Variants in SYNPO observed in about 807,000 individuals in gnomAD.
SYNPO encodes synaptopodin.
SYNPO carries 19 observed loss-of-function variants against 49.5 expected under a neutral mutation model. The observed-to-expected ratio is 0.38, with a 90% confidence interval of 0.27 to 0.56. The LOEUF (loss-of-function observed/expected upper bound fraction) is 0.56. Ranked by LOEUF, SYNPO falls within the 20% of genes least tolerant of loss-of-function variation. The probability of loss-of-function intolerance (pLI) is 0.68; values close to 1 mark genes in which losing one functional copy is unlikely to be tolerated. For missense variants in SYNPO, 1,131 were observed against 1,248.3 expected (o/e 0.91, Z 1.42); for synonymous variants, 536 against 548.0 (o/e 0.98, Z 0.31).
chr5:150,639,486 G>A (rs949161356), upstream of SYNPO, among the ~76,000 whole-genome samples: 2 of 152,194 alleles, frequency 1.3e-5, no homozygotes, highest in Admixed American at 1.3e-4. Flanking sequence ...GCCTGGATGG[G>A]TGAGTAAGGA....
At chr5:150,622,983 CAT>C (rs1439023426) in intron 2 of SYNPO, among the ~76,000 whole-genome samples, 1 of 152,236 alleles carries the variant, frequency 6.6e-6, no homozygotes, top group Admixed American at 6.5e-5. Flanking sequence ...ACTGCACACA[CAT>C]GGAGGCCCTC....
At chr5:150,624,951 G>C in intron 2 of SYNPO, 1 of 985,514 alleles carries the variant, frequency 1.0e-6, no homozygotes, top group Non-Finnish European at 1.2e-6. Context: ...GGCACCGCGC[G>C]AGCCTCGCCC....
chr5:150,593,892 G>A, the SYNPO span, among the ~76,000 whole-genome samples: 33 of 152,340 alleles, frequency 2.2e-4, 1 homozygote, highest in African/African-American at 7.7e-4. Flanking sequence ...CAGTAGAATG[G>A]CAGTTTGAGA....
the SYNPO span, among the ~76,000 whole-genome samples, chr5:150,586,689 C>T: frequency 6.6e-6 from 1 of 152,198 alleles, no homozygotes; most frequent in Non-Finnish European, 1.5e-5. Context: ...CCCCTTCTAA[C>T]TGCAAGCCCT....
rs1758583221 is a variant in SYNPO at position 150,656,811 on chromosome 5, GGCTGCTGTGCCGGGGGCAGCCTTC to G, written c.2439_2462del (p.Ala814_Ala821del). The G allele has an allele frequency of 6.9e-7, 1 of 1,446,312 alleles. No individual in the cohort carries two copies. The highest frequency in any genetic ancestry group is 1.3e-5 in the South Asian group (1 of 78,180). The allele number at this position is 1,446,312 out of a possible 1,614,324, so 89.6% of individuals were successfully genotyped here. On this transcript the variant is annotated inframe_deletion, in exon 3 of 3. Transcript: ENST00000307662. The stretch of plus-strand genomic sequence containing the variant: ...CGCCACAGCCCGCCCGCCCCGGCTC[GGCTGCTGTGCCGGGGGCAGCCTTC>G]GCGCCCATCCCGCGGAGCCCGTTGC...
At chr5:150,628,676 A>C (rs1368835152) in intron 2 of SYNPO, among the ~76,000 whole-genome samples, 1 of 152,250 alleles carries the variant, frequency 6.6e-6, no homozygotes, top group Non-Finnish European at 1.5e-5. Flanking sequence ...TGGGAGGCCA[A>C]GGCAGGGGGA....
At chr5:150,632,401 T>G (rs1031865145) in intron 2 of SYNPO, among the ~76,000 whole-genome samples, 1 of 152,242 alleles carries the variant, frequency 6.6e-6, no homozygotes, top group Non-Finnish European at 1.5e-5. Context: ...AGCATATTTT[T>G]CCTTCTCTAA....
chr5:150,613,631 T>C (rs980321948), intron 1 of SYNPO, among the ~76,000 whole-genome samples: 1 of 152,076 alleles, frequency 6.6e-6, no homozygotes, highest in Non-Finnish European at 1.5e-5. Flanking sequence ...AGACTTTCTA[T>C]AGGATGGAAA....
Position 150,647,956 on chromosome 5 carries a change from G to C in SYNPO, c.-320G>C. 6.4e-7 allele frequency: 1 copy of C among 1,551,740 alleles called. No homozygotes were observed. Among genetic ancestry groups the C allele is most frequent in the South Asian group, 1.2e-5 (1 of 84,064 alleles). On this transcript the variant is annotated 5_prime_UTR_variant, in exon 2 of 3. Transcript: ENST00000307662. ...TCCCTCCCTGTAGCGTTGGGCCGGA[G>C]CACTAGCCTCACGGAGAAGGATCTG...
intron 1 of SYNPO, among the ~76,000 whole-genome samples, chr5:150,602,477 G>C (rs1756569836): frequency 6.6e-6 from 1 of 152,152 alleles, no homozygotes. Context: ...AGCATATCAA[G>C]CCAGCGGGTA....
At chr5:150,593,543 C>A in the SYNPO span, among the ~76,000 whole-genome samples, 2 of 152,110 alleles carry the variant, frequency 1.3e-5, no homozygotes, top group African/African-American at 2.4e-5. Context: ...TTCACTGCAA[C>A]CTCTGCCTCC....
chr5:150,609,590 T>A (rs1756788104), intron 1 of SYNPO, among the ~76,000 whole-genome samples: 1 of 152,282 alleles, frequency 6.6e-6, no homozygotes, highest in Admixed American at 6.5e-5. Flanking sequence ...CCATCATGCC[T>A]GGCTGGTTAG....
intron 1 of SYNPO, among the ~76,000 whole-genome samples, chr5:150,615,814 T>A (rs962729192): frequency 3.3e-5 from 5 of 152,212 alleles, no homozygotes; most frequent in African/African-American, 1.2e-4. Flanking sequence ...TAGGTTGGAA[T>A]CCCAGCCTGG....
the SYNPO span, among the ~76,000 whole-genome samples, chr5:150,588,490 A>G: frequency 6.6e-6 from 1 of 152,110 alleles, no homozygotes; most frequent in Non-Finnish European, 1.5e-5. Flanking sequence ...GGGGCTCCAC[A>G]TGTTGGGAAG....
the SYNPO span, among the ~76,000 whole-genome samples, chr5:150,595,007 G>A: frequency 6.6e-6 from 1 of 152,194 alleles, no homozygotes; most frequent in East Asian, 1.9e-4. Context: ...TCACTTGTCT[G>A]TTATTTTATA....
chr5:150,600,532 T>C (rs893442495), upstream of SYNPO, among the ~76,000 whole-genome samples: 1 of 152,200 alleles, frequency 6.6e-6, no homozygotes. Context: ...TGGCTCCCCA[T>C]CTCTGCAATG....
upstream of SYNPO, among the ~76,000 whole-genome samples, chr5:150,597,170 G>A (rs930162012): frequency 3.9e-5 from 6 of 152,174 alleles, no homozygotes; most frequent in African/African-American, 1.4e-4. Context: ...CTTACTCTGA[G>A]CCCATGCTCA....
intron 2 of SYNPO, among the ~76,000 whole-genome samples, chr5:150,620,901 CTTTCTTTCTTTCTT>C (rs1170684583): frequency 3.4e-5 from 3 of 87,688 alleles, no homozygotes; most frequent in Non-Finnish European, 6.3e-5. Context: ...CTTTTTTTCT[CTTTCTTTCTTTCTT>C]TCTTTCTTTC....
In SYNPO at chr5:150,657,220, G is replaced by A. The variant is rs1181946308; in HGVS notation, c.*133G>A. The A allele has an allele frequency of 9.5e-7, 1 of 1,056,758 alleles. No homozygotes were observed. The allele number at this position is 1,056,758 out of a possible 1,614,324, so 65.5% of individuals were successfully genotyped here. A position where few individuals can be genotyped will look rare whatever the true frequency, so the allele number is the denominator to read the frequency against. On this transcript the variant is annotated 3_prime_UTR_variant, in exon 3 of 3. Coordinates refer to ENST00000307662, the MANE Select transcript of SYNPO (RefSeq NM_007286.6). ...TCAGCAGAGGAGAGCTCTGGGGTTG[G>A]GGATGGGTTAGGGACGCAAGCTTGA...
Sources: gnomAD v4.1 joint callset for allele counts (sites outside exome capture counted in the v4.1 genomes callset) on GRCh38, gnomAD v4.1.1 for gene constraint, MANE v1.5 for transcripts, NCBI Gene and HGNC (gene_info 2026-07-23, HGNC 2026-07-21) for gene names.